NELL1: variants seen among roughly 807,000 people sequenced by gnomAD.
The protein encoded by NELL1 is neural EGFL like 1.
Under a neutral mutation model 107.4 loss-of-function variants are expected in NELL1, and 76 were observed. The observed-to-expected ratio is 0.71, with a 90% confidence interval of 0.59 to 0.86. The LOEUF is 0.86. Among genes scored for constraint, NELL1 ranks in the 40% least tolerant of loss-of-function variants. The probability of loss-of-function intolerance (pLI) is 0.00; values close to 1 mark genes in which losing one functional copy is unlikely to be tolerated. For synonymous variants in NELL1, 353 were observed against 341.2 expected, an observed-to-expected ratio of 1.03 and a Z score of -0.38; for missense variants, 1,024 against 1,005.5, an observed-to-expected ratio of 1.02 and a Z score of -0.25.
At chr11:21,155,006 A>G (rs779154997) in intron 13 of NELL1, among the ~76,000 whole-genome samples, 4 of 152,174 alleles carry the variant, frequency 2.6e-5, no homozygotes, top group Admixed American at 2.0e-4. Flanking sequence ...GAAAACTCAC[A>G]TGAAAGGTGA....
chr11:21,334,832 T>A (rs1850353954), intron 14 of NELL1, among the ~76,000 whole-genome samples: 1 of 151,926 alleles, frequency 6.6e-6, no homozygotes, highest in Admixed American at 6.6e-5. Flanking sequence ...ATATGCTGTA[T>A]CTGCTGAGGC....
chr11:20,756,551 C>T (rs10833387), intron 2 of NELL1, among the ~76,000 whole-genome samples: 72,974 of 132,928 alleles, frequency 0.55, 21,005 homozygotes, highest in Middle Eastern at 0.73. Context: ...TTAGTAGAGA[C>T]AGGGTTTCAC....
intron 13 of NELL1, among the ~76,000 whole-genome samples, chr11:21,172,098 G>A (rs112745911): frequency 2.8e-3 from 364 of 130,702 alleles, no homozygotes; most frequent in South Asian, 7.1e-3. Flanking sequence ...CAAGAAGGGC[G>A]TTTTAAAAAC....
At chr11:21,361,811 G>A (rs1851082941) in intron 14 of NELL1, among the ~76,000 whole-genome samples, 1 of 151,948 alleles carries the variant, frequency 6.6e-6, no homozygotes, top group Non-Finnish European at 1.5e-5. Context: ...ATTTCTCTAA[G>A]TATTCCTTTC....
rs546941726 is a variant in NELL1, at chr11:21,152,095, A to T, written c.1426+38381A>T. ...AGTGTTTAGGCTACTCCTGAAGGAC[A>T]TGGACAAATCAACTTCTAATGTCCT... is the stretch of plus-strand genomic sequence containing the variant. On this transcript the variant is annotated intron_variant, in intron 13 of 19. Transcript: ENST00000357134. Among the ~76,000 whole-genome samples, 95 of 152,346 alleles carry T rather than the reference A, an allele frequency of 6.2e-4. 1 individual carries two copies. In the South Asian group the frequency reaches 0.018, roughly 30 times the overall value.
chr11:20,895,387 C>T, intron 5 of NELL1, among the ~76,000 whole-genome samples: 1 of 149,480 alleles, frequency 6.7e-6, no homozygotes, highest in East Asian at 2.0e-4. Flanking sequence ...CTCCATGTAC[C>T]CCATTCACCC....
intron 12 of NELL1, among the ~76,000 whole-genome samples, chr11:21,086,394 A>T (rs954551019): frequency 6.6e-6 from 1 of 152,224 alleles, no homozygotes; most frequent in Non-Finnish European, 1.5e-5. Flanking sequence ...TACTAAAAGC[A>T]CTAGTATTTT....
At chr11:21,114,951 A>G (rs2133731435) in intron 13 of NELL1, among the ~76,000 whole-genome samples, 1 of 152,126 alleles carries the variant, frequency 6.6e-6, no homozygotes, top group South Asian at 2.1e-4. Flanking sequence ...TAAGATTAGA[A>G]GAAGGCAGTG....
chr11:20,896,213 T>C (rs2134124217), intron 5 of NELL1, among the ~76,000 whole-genome samples: 1 of 152,292 alleles, frequency 6.6e-6, no homozygotes, highest in Admixed American at 6.5e-5. Context: ...TAGCTCCCAC[T>C]TATAAGTGAG....
At chr11:21,173,083 A>G (rs973342031) in intron 13 of NELL1, among the ~76,000 whole-genome samples, 1 of 151,832 alleles carries the variant, frequency 6.6e-6, no homozygotes, top group Non-Finnish European at 1.5e-5. Context: ...ATATCCCTAA[A>G]TAGCTAGCTC....
chr11:20,985,229 T>C (rs1851829329), intron 12 of NELL1, among the ~76,000 whole-genome samples: 1 of 152,132 alleles, frequency 6.6e-6, no homozygotes, highest in African/African-American at 2.4e-5. Flanking sequence ...AGTAAAGCAG[T>C]AGAAATGAAT....
intron 15 of NELL1, among the ~76,000 whole-genome samples, chr11:21,484,672 A>G (rs550971601): frequency 2.0e-5 from 3 of 152,244 alleles, no homozygotes; most frequent in Admixed American, 2.0e-4. Flanking sequence ...ACATATGTAC[A>G]TATATGTATG....
At chr11:21,306,793 T>C (rs764580314) in intron 14 of NELL1, among the ~76,000 whole-genome samples, 1 of 151,572 alleles carries the variant, frequency 6.6e-6, no homozygotes, top group Non-Finnish European at 1.5e-5. Context: ...GAGAAGAATA[T>C]TTTTTTCCAC....
At chr11:21,226,622 A>C (rs1857899242) in intron 13 of NELL1, among the ~76,000 whole-genome samples, 1 of 152,198 alleles carries the variant, frequency 6.6e-6, no homozygotes, top group Non-Finnish European at 1.5e-5. Flanking sequence ...AGATATTAAT[A>C]GATAAAGTGA....
chr11:20,793,518 G>A (rs1564911614), intron 3 of NELL1, among the ~76,000 whole-genome samples: 1 of 151,880 alleles, frequency 6.6e-6, no homozygotes, highest in Non-Finnish European at 1.5e-5. Context: ...CTTACCTTAT[G>A]TTGGATTATC....
chr11:21,013,346 A>G lies in NELL1; in HGVS notation c.1300+52786A>G, dbSNP rs551636582. ...GGCCCTCATTCTGGCCACAGGGTAT[A>G]GGAAATAGTGCTCCAGGAAGATTAG... On this transcript the variant is annotated intron_variant, in intron 12 of 19. Coordinates refer to ENST00000357134, the MANE Select transcript of NELL1 (RefSeq NM_006157.5). Among the ~76,000 whole-genome samples the G allele has an allele frequency of 5.3e-5, 8 of 152,208 alleles. No homozygotes were observed. The South Asian group carries it at 1.7e-3, about 32-fold the overall frequency.
At chr11:21,296,713 A>ATGGAATCTGTTAT (rs1849383792) in intron 14 of NELL1, among the ~76,000 whole-genome samples, 1 of 151,964 alleles carries the variant, frequency 6.6e-6, no homozygotes, top group Admixed American at 6.6e-5. Flanking sequence ...ATCTCAAACA[A>ATGGAATCTGTTAT]CTTAGACAGA....
chr11:20,702,489 A>T (rs1327389641), intron 2 of NELL1, among the ~76,000 whole-genome samples: 1 of 152,062 alleles, frequency 6.6e-6, no homozygotes, highest in African/African-American at 2.4e-5. Flanking sequence ...TTCCTAACTG[A>T]ATACCCTTTA....
intron 15 of NELL1, among the ~76,000 whole-genome samples, chr11:21,467,920 C>G (rs1044584938): frequency 2.0e-5 from 3 of 151,918 alleles, no homozygotes; most frequent in Non-Finnish European, 4.4e-5. Flanking sequence ...CTCTAAGACC[C>G]CTTGCAAGCT....
Sources: gnomAD v4.1 joint callset for allele counts (sites outside exome capture counted in the v4.1 genomes callset) on GRCh38, gnomAD v4.1.1 for gene constraint, MANE v1.5 for transcripts, NCBI Gene and HGNC (gene_info 2026-07-23, HGNC 2026-07-21) for gene names.